Variants in LINGO2 observed in about 807,000 individuals in gnomAD.
The protein encoded by LINGO2 is leucine-rich repeat and immunoglobulin-like domain-containing nogo receptor-interacting protein 2.
A neutral mutation model predicts 30.6 loss-of-function variants in LINGO2; 14 were observed. The ratio of observed to expected loss-of-function variants is 0.46; its 90% CI spans 0.30 to 0.72. The LOEUF (loss-of-function observed/expected upper bound fraction) is 0.72. Among genes scored for constraint, LINGO2 ranks in the 30% least tolerant of loss-of-function variants. The probability of loss-of-function intolerance (pLI) is 0.07; values close to 1 mark genes in which losing one functional copy is unlikely to be tolerated. For missense variants in LINGO2, 729 were observed against 751.7 expected (o/e 0.97, Z 0.35); for synonymous variants, 317 against 288.5 (o/e 1.10, Z -1.00).
At position 28,618,929 on chromosome 9, in the gene LINGO2, G is replaced by T. The variant is rs534184442; in HGVS notation, c.-365+51271C>A. Among the ~76,000 whole-genome samples, 15 of 152,232 alleles carry T rather than the reference G, an allele frequency of 9.9e-5. No individual in the cohort carries two copies. In the South Asian group the frequency reaches 2.9e-3, roughly 29 times the overall value. The stretch of plus-strand genomic sequence containing the variant: ...GCAGATAATTCTACCTACCTGTCAG[G>T]CTTGGACTAGAAGATAAATGAGGCA... On this transcript the variant is annotated intron_variant, in intron 1 of 5. Transcript: ENST00000379992.
the LINGO2 span, among the ~76,000 whole-genome samples, chr9:28,689,045 A>G: frequency 7.2e-5 from 11 of 152,212 alleles, no homozygotes; most frequent in Admixed American, 6.5e-5. Context: ...TATGGTAAAG[A>G]CGACAGGATG....
At chr9:28,343,825 G>A (rs1819457981) in intron 3 of LINGO2, among the ~76,000 whole-genome samples, 1 of 152,100 alleles carries the variant, frequency 6.6e-6, no homozygotes, top group African/African-American at 2.4e-5. Flanking sequence ...AAATCATGGA[G>A]ATGCCTAAAC....
At chr9:28,717,754 T>C in the LINGO2 span, among the ~76,000 whole-genome samples, 6 of 152,006 alleles carry the variant, frequency 3.9e-5, no homozygotes, top group African/African-American at 1.4e-4. Context: ...CTCAGTGTTT[T>C]TATATGACTC....
At chr9:29,006,148 A>G in the LINGO2 span, among the ~76,000 whole-genome samples, 3 of 151,628 alleles carry the variant, frequency 2.0e-5, no homozygotes, top group Non-Finnish European at 4.4e-5. Context: ...AATATTCAAT[A>G]AACAACAGAT....
At chr9:28,000,264 G>A (rs1264675884) in intron 5 of LINGO2, among the ~76,000 whole-genome samples, 1 of 152,090 alleles carries the variant, frequency 6.6e-6, no homozygotes, top group African/African-American at 2.4e-5. Context: ...CTTGAAATAA[G>A]TTTTCCCACT....
At chr9:29,095,915 T>C in the LINGO2 span, among the ~76,000 whole-genome samples, 47 of 138,418 alleles carry the variant, frequency 3.4e-4, 5 homozygotes, top group South Asian at 0.011. Context: ...ATGAGGGACA[T>C]ATTGGAGTGA....
exon 6 of LINGO2, chr9:27,950,079 G>A (rs201124522): frequency 6.2e-6 from 10 of 1,614,020 alleles, no homozygotes; most frequent in East Asian, 2.2e-5. Flanking sequence ...GCGGAGGTGG[G>A]AGAGGGCTTC....
At chr9:28,908,309 T>C in the LINGO2 span, among the ~76,000 whole-genome samples, 1 of 108,618 alleles carries the variant, frequency 9.2e-6, no homozygotes. Context: ...TGGTGACCTC[T>C]TTCACATTCT....
chr9:28,233,030 T>TTATATATAGATATA (rs1821415232), intron 4 of LINGO2, among the ~76,000 whole-genome samples: 1 of 77,716 alleles, frequency 1.3e-5, no homozygotes, highest in Non-Finnish European at 2.2e-5. Flanking sequence ...ACAGTAAACA[T>TTATATATAGATATA]TATATATATA....
At chr9:28,632,881 TAGAG>T (rs36101397) in intron 1 of LINGO2, among the ~76,000 whole-genome samples, 1,068 of 61,376 alleles carry the variant, frequency 0.017, 22 homozygotes, top group African/African-American at 0.052. Context: ...TATATATATG[TAGAG>T]AGAGAGAGAG....
chr9:28,274,524 A>T (rs1175659635), intron 4 of LINGO2, among the ~76,000 whole-genome samples: 2 of 152,174 alleles, frequency 1.3e-5, no homozygotes, highest in East Asian at 3.9e-4. Flanking sequence ...AAAATTGAAG[A>T]TTTTCTTTCA....
At chr9:28,049,520 T>A (rs1343456) in intron 4 of LINGO2, among the ~76,000 whole-genome samples, 1 of 150,172 alleles carries the variant, frequency 6.7e-6, no homozygotes, top group African/African-American at 2.5e-5. Flanking sequence ...GGAAATAGCA[T>A]GGTGAGTAAG....
In LINGO2 at chr9:28,660,364, A is replaced by G. The variant is rs544911261; in HGVS notation, c.-365+9836T>C. On this transcript the variant is annotated intron_variant, in intron 1 of 5. Coordinates refer to ENST00000379992, the Ensembl canonical transcript of LINGO2. ...AAAGATAAAAGGGATTAGATAAATA[A>G]AAAACAAAAATAACAGTGAAGACAT... Among the ~76,000 whole-genome samples the G allele has an allele frequency of 2.0e-5, 3 of 152,272 alleles. No individual in the cohort carries two copies. In the South Asian group the frequency reaches 6.2e-4, roughly 32 times the overall value.
chr9:29,140,987 T>G, the LINGO2 span, among the ~76,000 whole-genome samples: 1 of 152,040 alleles, frequency 6.6e-6, no homozygotes, highest in Non-Finnish European at 1.5e-5. Context: ...CATAGGGGAA[T>G]GTCTCTTGAA....
chr9:28,381,751 A>T (rs1821366632), intron 2 of LINGO2, among the ~76,000 whole-genome samples: 1 of 152,086 alleles, frequency 6.6e-6, no homozygotes, highest in African/African-American at 2.4e-5. Context: ...GTGGTCTTGT[A>T]CTGACACTGA....
chr9:28,764,609 T>C, the LINGO2 span, among the ~76,000 whole-genome samples: 1 of 152,012 alleles, frequency 6.6e-6, no homozygotes, highest in East Asian at 1.9e-4. Flanking sequence ...AGATGTCCAC[T>C]ATTACCACTT....
the LINGO2 span, among the ~76,000 whole-genome samples, chr9:29,194,089 C>T: frequency 6.6e-6 from 1 of 152,182 alleles, no homozygotes. Context: ...GCTTCCTTCT[C>T]TGTAAAATGG....
At chr9:28,426,906 C>T (rs906870643) in intron 2 of LINGO2, among the ~76,000 whole-genome samples, 1 of 152,026 alleles carries the variant, frequency 6.6e-6, no homozygotes, top group Non-Finnish European at 1.5e-5. Context: ...TCCTCTGAAA[C>T]TGAAAAGCAT....
chr9:28,188,922 T>G (rs976057339), intron 4 of LINGO2, among the ~76,000 whole-genome samples: 1 of 152,048 alleles, frequency 6.6e-6, no homozygotes, highest in African/African-American at 2.4e-5. Context: ...CTTAATTGCC[T>G]ATAAGGGAAA....
Sources: gnomAD v4.1 joint callset for allele counts (sites outside exome capture counted in the v4.1 genomes callset) on GRCh38, gnomAD v4.1.1 for gene constraint, MANE v1.5 for transcripts, NCBI Gene and HGNC (gene_info 2026-07-23, HGNC 2026-07-21) for gene names.